Variants in NRG3 observed in about 807,000 individuals in gnomAD.
NRG3 encodes the protein neuregulin 3.
A neutral mutation model predicts 66.9 loss-of-function variants in NRG3; 31 were observed. That is an observed-to-expected ratio of 0.46 (90% CI 0.35 to 0.63). The LOEUF is 0.63. Among genes scored for constraint, NRG3 ranks in the 20% least tolerant of loss-of-function variants. The pLI is 0.00. For synonymous variants in NRG3, 393 were observed against 359.4 expected (o/e 1.09, Z -1.06); for missense variants, 910 against 878.9 (o/e 1.04, Z -0.45).
At chr10:82,379,351 A>T (rs1190421819) in intron 2 of NRG3, among the ~76,000 whole-genome samples, 1 of 152,192 alleles carries the variant, frequency 6.6e-6, no homozygotes, top group African/African-American at 2.4e-5. Context: ...GGCCCAAATA[A>T]TGACAGAGGA....
chr10:82,911,326 A>C (rs964393058), intron 4 of NRG3, among the ~76,000 whole-genome samples: 7 of 152,028 alleles, frequency 4.6e-5, no homozygotes, highest in African/African-American at 1.7e-4. Context: ...TAATTTTTTC[A>C]TTCATGGGTT....
intron 3 of NRG3, among the ~76,000 whole-genome samples, chr10:82,750,457 A>G (rs2058819401): frequency 6.6e-6 from 1 of 152,118 alleles, no homozygotes; most frequent in South Asian, 2.1e-4. Context: ...AAAACTGACT[A>G]CATTGTTGAC....
intron 2 of NRG3, among the ~76,000 whole-genome samples, chr10:82,586,619 G>T (rs572620435): frequency 1.3e-5 from 2 of 152,252 alleles, no homozygotes; most frequent in East Asian, 3.9e-4. Context: ...ATATTGCTTA[G>T]AACAGTACTT....
intron 1 of NRG3, among the ~76,000 whole-genome samples, chr10:81,940,944 G>T (rs759448865): frequency 1.3e-5 from 2 of 151,932 alleles, no homozygotes; most frequent in Admixed American, 6.6e-5. Context: ...GTGTGTCTGT[G>T]ATATATGAGC....
chr10:82,605,788 A>G (rs1400547490), intron 2 of NRG3, among the ~76,000 whole-genome samples: 1 of 152,076 alleles, frequency 6.6e-6, no homozygotes, highest in Non-Finnish European at 1.5e-5. Flanking sequence ...AATTCCTTTA[A>G]TAGATATAGG....
At chr10:82,650,194 T>G (rs2051300040) in intron 2 of NRG3, among the ~76,000 whole-genome samples, 1 of 152,206 alleles carries the variant, frequency 6.6e-6, no homozygotes, top group South Asian at 2.1e-4. Context: ...TATATGTATG[T>G]GTATGTCTCC....
chr10:82,397,463 A>G (rs986903193), intron 2 of NRG3, among the ~76,000 whole-genome samples: 3 of 152,246 alleles, frequency 2.0e-5, no homozygotes, highest in Admixed American at 6.5e-5. Flanking sequence ...GCAAGAAATA[A>G]AATTAAACAT....
intron 6 of NRG3, among the ~76,000 whole-genome samples, chr10:82,968,668 G>A (rs1360229728): frequency 6.7e-6 from 1 of 149,318 alleles, no homozygotes; most frequent in African/African-American, 2.4e-5. Context: ...AGGCAGGGAG[G>A]GAGGGAGGCA....
chr10:82,454,513 C>T (rs1463038023), intron 2 of NRG3, among the ~76,000 whole-genome samples: 5 of 151,804 alleles, frequency 3.3e-5, no homozygotes, highest in Admixed American at 6.6e-5. Flanking sequence ...ACAAAAAGCC[C>T]GAAGTGTAAA....
chr10:82,260,002 C>A (rs2077939944), intron 1 of NRG3, among the ~76,000 whole-genome samples: 1 of 152,078 alleles, frequency 6.6e-6, no homozygotes, highest in Admixed American at 6.6e-5. Context: ...GTTATTCAGG[C>A]TGCAGCCAAG....
At chr10:82,787,950 T>C (rs1190402182) in intron 3 of NRG3, among the ~76,000 whole-genome samples, 1 of 152,202 alleles carries the variant, frequency 6.6e-6, no homozygotes, top group East Asian at 1.9e-4. Flanking sequence ...ATGGCCTTCT[T>C]ATGCCATACA....
At position 82,088,217 on chromosome 10, in the gene NRG3, T is replaced by C. The variant is rs780030453; in HGVS notation, c.823+212054T>C. Among the ~76,000 whole-genome samples, 69 of 152,272 alleles carry C rather than the reference T, an allele frequency of 4.5e-4. 1 individual carries two copies. The highest frequency in any genetic ancestry group is 1.3e-3 in the Admixed American group (20 of 15,286). On this transcript the variant is annotated intron_variant, in intron 1 of 8. Coordinates refer to ENST00000372141, the MANE Select transcript of NRG3 (RefSeq NM_001010848.4). The stretch of plus-strand genomic sequence containing the variant: ...CTTTTCTCCTTCCTTTCTTCCTTCT[T>C]AATTTCCTGCCTTCAAAGCTTCTTT...
chr10:82,563,318 A>G (rs2045178591), intron 2 of NRG3, among the ~76,000 whole-genome samples: 1 of 152,058 alleles, frequency 6.6e-6, no homozygotes, highest in Non-Finnish European at 1.5e-5. Context: ...GTGTTGACAT[A>G]TTTTCCCCTC....
At chr10:82,467,964 T>A (rs1377601437) in intron 2 of NRG3, among the ~76,000 whole-genome samples, 2 of 152,150 alleles carry the variant, frequency 1.3e-5, no homozygotes, top group African/African-American at 2.4e-5. Flanking sequence ...ATAACTGTTA[T>A]ATGATCACAT....
chr10:81,962,299 A>C (rs929410673), intron 1 of NRG3, among the ~76,000 whole-genome samples: 1 of 152,238 alleles, frequency 6.6e-6, no homozygotes, highest in Admixed American at 6.5e-5. Flanking sequence ...TGGGCCTGCC[A>C]GTAGAAGCCA....
chr10:82,142,024 C>G (rs12217406), intron 1 of NRG3, among the ~76,000 whole-genome samples: 2 of 152,034 alleles, frequency 1.3e-5, no homozygotes, highest in African/African-American at 4.8e-5. Context: ...TTAAAAGCAC[C>G]CTGTCAGACC....
chr10:82,048,004 G>A (rs1256308838), intron 1 of NRG3, among the ~76,000 whole-genome samples: 1 of 151,392 alleles, frequency 6.6e-6, no homozygotes, highest in African/African-American at 2.4e-5. Flanking sequence ...GACAAAGAAG[G>A]CCATTACATA....
At chr10:82,194,587 T>G (rs904871728) in intron 1 of NRG3, among the ~76,000 whole-genome samples, 2 of 152,030 alleles carry the variant, frequency 1.3e-5, no homozygotes, top group Non-Finnish European at 2.9e-5. Context: ...CTCCCCGTAG[T>G]TCGTGATCTA....
At chr10:82,265,223 C>T (rs985945119) in intron 1 of NRG3, among the ~76,000 whole-genome samples, 2 of 152,120 alleles carry the variant, frequency 1.3e-5, no homozygotes, top group Non-Finnish European at 2.9e-5. Context: ...CAGAGTCATT[C>T]GTTTTTATCT....
Sources: allele counts gnomAD v4.1 joint callset (sites outside exome capture counted in the v4.1 genomes callset), GRCh38; gene constraint gnomAD v4.1.1; transcripts MANE v1.5; gene names NCBI Gene and HGNC (gene_info 2026-07-23, HGNC 2026-07-21).